Variants in SGPP2 observed in about 807,000 individuals in gnomAD.
SGPP2 encodes the protein sphingosine 1-phosphate phosphohydrolase 2.
In SGPP2, 30 loss-of-function variants were observed where a neutral mutation model predicts 33.9. The ratio of observed to expected loss-of-function variants is 0.89; its 90% confidence interval spans 0.66 to 1.20. The LOEUF is 1.20. Among genes scored for constraint, SGPP2 ranks in the 50% most tolerant of loss-of-function variants. The pLI is 0.00. For synonymous variants in SGPP2, 233 were observed against 225.0 expected, an observed-to-expected ratio of 1.04 and a Z score of -0.32; for missense variants, 458 against 532.1, an observed-to-expected ratio of 0.86 and a Z score of 1.37.
At chr2:222,551,534 T>C (rs1689294231) in intron 4 of SGPP2, among the ~76,000 whole-genome samples, 1 of 152,176 alleles carries the variant, frequency 6.6e-6, no homozygotes, top group Non-Finnish European at 1.5e-5. Flanking sequence ...ATAATTTTAT[T>C]ATAAGAAATT....
intron 1 of SGPP2, among the ~76,000 whole-genome samples, chr2:222,444,442 A>G (rs965443053): frequency 4.6e-5 from 7 of 152,156 alleles, no homozygotes; most frequent in African/African-American, 1.4e-4. Context: ...AGAGTTTCTT[A>G]TTCTGAAATA....
chr2:222,528,952 A>G (rs1204062171), intron 4 of SGPP2, among the ~76,000 whole-genome samples: 3 of 152,292 alleles, frequency 2.0e-5, no homozygotes, highest in Middle Eastern at 3.4e-3. Context: ...TGCCGCATCA[A>G]TTGACTCTTC....
Position 222,477,189 on chromosome 2 carries a change from GTA to G in SGPP2, c.378+2469_378+2470del, listed in dbSNP as rs747250346. On this transcript the variant is annotated intron_variant, in intron 2 of 4. Transcript: ENST00000321276. This position sits in a 1 kb window ranked among gnomAD's most constrained non-coding sequence, Gnocchi z 6.0. Reference sequence around the variant, plus strand: ...TAGGTGTGTGTATATGTGTATGTGTGTATATATGTGTGTGCATAGGTGCATAT... The same window carrying G: ...TAGGTGTGTGTATATGTGTATGTGTGTATATGTGTGTGCATAGGTGCATAT... 2.6e-4 allele frequency among the ~76,000 whole-genome samples: 39 copies of G among 151,668 alleles called. No individual in the cohort carries two copies. The highest frequency in any genetic ancestry group is 7.2e-4 in the Admixed American group (11 of 15,234).
intron 1 of SGPP2, among the ~76,000 whole-genome samples, chr2:222,425,357 A>G (rs1206623297): frequency 6.6e-6 from 1 of 152,138 alleles, no homozygotes; most frequent in Non-Finnish European, 1.5e-5. Context: ...ACCTCCCTGC[A>G]CTACCCCCGG....
At chr2:222,534,728 A>C (rs894699220) in intron 4 of SGPP2, among the ~76,000 whole-genome samples, 3 of 152,128 alleles carry the variant, frequency 2.0e-5, no homozygotes, top group Non-Finnish European at 4.4e-5. Flanking sequence ...ATAAAATGGG[A>C]ATTTAGTTAT....
intron 2 of SGPP2, among the ~76,000 whole-genome samples, chr2:222,488,261 T>C (rs549071136): frequency 1.3e-5 from 2 of 152,254 alleles, no homozygotes; most frequent in African/African-American, 2.4e-5. Context: ...CCCTGGGCCA[T>C]GGACTGGTAC....
intron 1 of SGPP2, among the ~76,000 whole-genome samples, chr2:222,449,508 C>T (rs1193433493): frequency 6.9e-6 from 1 of 145,792 alleles, no homozygotes; most frequent in Non-Finnish European, 1.5e-5. Flanking sequence ...CTCGCTCTGT[C>T]ACCCAGGCTG....
intron 4 of SGPP2, among the ~76,000 whole-genome samples, chr2:222,548,142 C>T (rs186941834): frequency 6.6e-6 from 1 of 152,332 alleles, no homozygotes; most frequent in African/African-American, 2.4e-5. Flanking sequence ...GCTAACCTGT[C>T]ATTTCACTAA....
chr2:222,502,337 G>T (rs915306611), intron 2 of SGPP2, among the ~76,000 whole-genome samples: 3 of 152,172 alleles, frequency 2.0e-5, no homozygotes, highest in Admixed American at 1.3e-4. Context: ...TGAAGGTAAA[G>T]ACTATTGCTG....
rs2106064291 is a variant in SGPP2 at position 222,438,644 on chromosome 2, A to C, written c.219+13823A>C. ...GCAATGAAACCATGTCTGGTACAGCAACTGCAATTGCAGTCACCACTTGAT... is the reference window on the plus strand; with the variant it reads ...GCAATGAAACCATGTCTGGTACAGCCACTGCAATTGCAGTCACCACTTGAT... On this transcript the variant is annotated intron_variant, in intron 1 of 4. Coordinates refer to ENST00000321276, the MANE Select transcript of SGPP2 (RefSeq NM_152386.4). 2.0e-5 allele frequency among the ~76,000 whole-genome samples: 3 copies of C among 152,326 alleles called. No individual in the cohort carries two copies. In the Middle Eastern group the frequency reaches 0.01, roughly 518 times the overall value.
At chr2:222,457,662 AAGT>A (rs775852304) in intron 1 of SGPP2, among the ~76,000 whole-genome samples, 16 of 152,184 alleles carry the variant, frequency 1.1e-4, no homozygotes, top group Non-Finnish European at 2.4e-4. Context: ...TTACACTAAA[AAGT>A]AGGAAAGTAA....
At chr2:222,495,143 G>T (rs1390777139) in intron 2 of SGPP2, among the ~76,000 whole-genome samples, 2 of 152,196 alleles carry the variant, frequency 1.3e-5, no homozygotes, top group Non-Finnish European at 2.9e-5. Flanking sequence ...GCCAGGCATG[G>T]TGGCTCATGC....
intron 1 of SGPP2, among the ~76,000 whole-genome samples, chr2:222,449,939 G>A (rs768569938): frequency 6.6e-5 from 10 of 152,184 alleles, no homozygotes; most frequent in East Asian, 1.9e-4. Context: ...GTTCAGACAC[G>A]GGTTTGAGGT....
upstream of SGPP2, chr2:222,424,429 A>C: frequency 4.6e-6 from 1 of 219,266 alleles, no homozygotes; most frequent in Middle Eastern, 1.6e-3. Flanking sequence ...GGAGGCAGAC[A>C]CCTGGGCGGG....
intron 1 of SGPP2, among the ~76,000 whole-genome samples, chr2:222,466,490 C>T (rs1487016227): frequency 6.6e-6 from 1 of 152,064 alleles, no homozygotes; most frequent in African/African-American, 2.4e-5. Flanking sequence ...GATCTCCTGA[C>T]CTCGTGATCC....
chr2:222,437,410 C>A (rs1212621861), intron 1 of SGPP2, among the ~76,000 whole-genome samples: 2 of 152,238 alleles, frequency 1.3e-5, no homozygotes, highest in Admixed American at 1.3e-4. Context: ...AGTGCTGCAG[C>A]TGTCCACTTT....
chr2:222,474,184 G>T (rs561006279), intron 1 of SGPP2, among the ~76,000 whole-genome samples: 1 of 152,228 alleles, frequency 6.6e-6, no homozygotes, highest in South Asian at 2.1e-4. Context: ...TCAGTTCTAG[G>T]ATTTAGGACA....
Position 222,561,847 on chromosome 2 carries a change from T to G in SGPP2, c.*2949T>G, listed in dbSNP as rs1376973701. Among the ~76,000 whole-genome samples the G allele has an allele frequency of 8.5e-6, 1 of 117,704 alleles. No individual in the cohort carries two copies. Among genetic ancestry groups the G allele is most frequent in the East Asian group, 2.6e-4 (1 of 3,822 alleles). The allele number at this position is 117,704 out of a possible 152,430, so 77.2% of individuals were successfully genotyped here. A position where few individuals can be genotyped will look rare whatever the true frequency, so the allele number is the denominator to read the frequency against. On this transcript the variant is annotated 3_prime_UTR_variant, in exon 5 of 5. Coordinates refer to ENST00000321276, the MANE Select transcript of SGPP2 (RefSeq NM_152386.4). ...AAAATTCATCGGGGTGAAAAAGGCATTACCTGATTCACACCCTTGTCTTGC... is the reference window on the plus strand; with the variant it reads ...AAAATTCATCGGGGTGAAAAAGGCAGTACCTGATTCACACCCTTGTCTTGC...
At chr2:222,497,085 C>A (rs1285327484) in intron 2 of SGPP2, among the ~76,000 whole-genome samples, 2 of 152,076 alleles carry the variant, frequency 1.3e-5, no homozygotes, top group Admixed American at 1.3e-4. Context: ...GGAATGGCTC[C>A]CCATTAGCCC....
Sources: gnomAD v4.1 joint callset for allele counts (sites outside exome capture counted in the v4.1 genomes callset) on GRCh38, gnomAD v4.1.1 for gene constraint, Gnocchi (gnomAD v3.1) non-coding constraint, MANE v1.5 for transcripts, NCBI Gene and HGNC (gene_info 2026-07-23, HGNC 2026-07-21) for gene names.